Variants in UBP1 observed in about 807,000 individuals in gnomAD.
The protein encoded by UBP1 is upstream binding protein 1, also known as upstream-binding protein 1.
A neutral mutation model predicts 76.1 loss-of-function variants in UBP1; 22 were observed. That is an observed-to-expected ratio of 0.29 (90% CI 0.21 to 0.41). The LOEUF (loss-of-function observed/expected upper bound fraction) is 0.41. Among genes scored for constraint, UBP1 ranks in the 10% least tolerant of loss-of-function variants. The pLI is 1.00. For missense variants in UBP1, 436 were observed against 668.1 expected, an observed-to-expected ratio of 0.65 and a Z score of 3.83; for synonymous variants, 224 against 237.1, an observed-to-expected ratio of 0.94 and a Z score of 0.51.
At chr3:33,430,900 T>G (rs985470482) in intron 1 of UBP1, among the ~76,000 whole-genome samples, 4 of 152,122 alleles carry the variant, frequency 2.6e-5, no homozygotes, top group Non-Finnish European at 5.9e-5. Context: ...GACATCTCAC[T>G]GATTTCTATT....
Position 33,399,080 on chromosome 3 carries a change from A to T in UBP1, c.1180+1109T>A, listed in dbSNP as rs540608032. 2.0e-5 allele frequency among the ~76,000 whole-genome samples: 3 copies of T among 152,326 alleles called. No individual in the cohort carries two copies. In the South Asian group the frequency reaches 6.2e-4, roughly 32 times the overall value. On this transcript the variant is annotated intron_variant, in intron 11 of 15. Transcript: ENST00000283629. ...CAAAATCAAGCTTTTCTTCAGGCTG[A>T]GTGTGTGCACACACAAGTTCTGTCC... is the stretch of plus-strand genomic sequence containing the variant.
intron 3 of UBP1, among the ~76,000 whole-genome samples, chr3:33,413,045 A>G (rs1487151907): frequency 6.6e-6 from 1 of 152,232 alleles, no homozygotes; most frequent in Non-Finnish European, 1.5e-5. Context: ...AATTATAAAT[A>G]AAATGGTAAC....
At chr3:33,421,232 G>A (rs950013561) in intron 2 of UBP1, among the ~76,000 whole-genome samples, 1 of 149,140 alleles carries the variant, frequency 6.7e-6, no homozygotes, top group African/African-American at 2.5e-5. Context: ...TTAAAGTCAG[G>A]GACTTAACTC....
intron 1 of UBP1, among the ~76,000 whole-genome samples, chr3:33,435,193 C>T (rs1326756348): frequency 6.6e-6 from 1 of 152,028 alleles, no homozygotes; most frequent in Non-Finnish European, 1.5e-5. Context: ...TCCTGTACTG[C>T]AGCCAAGATT....
intron 1 of UBP1, among the ~76,000 whole-genome samples, chr3:33,432,838 A>T (rs767992932): frequency 6.6e-6 from 1 of 152,220 alleles, no homozygotes; most frequent in Non-Finnish European, 1.5e-5. Flanking sequence ...GTATTGCACC[A>T]AGTCTAATTT....
intron 2 of UBP1, 152 bp downstream of exon 2, chr3:33,425,438 C>T (rs986761419): frequency 1.2e-6 from 1 of 808,956 alleles, no homozygotes; most frequent in African/African-American, 1.7e-5. Context: ...CAGCTGCTCA[C>T]AGTAAAATTC....
chr3:33,427,610 T>C (rs1404442774), intron 1 of UBP1, among the ~76,000 whole-genome samples: 1 of 152,162 alleles, frequency 6.6e-6, no homozygotes, highest in East Asian at 1.9e-4. Flanking sequence ...ACAAGTGAAA[T>C]GGGACGGAAA....
intron 1 of UBP1, among the ~76,000 whole-genome samples, chr3:33,432,331 TTCTCTGTTTTG>T (rs1212750829): frequency 6.6e-6 from 1 of 152,178 alleles, no homozygotes; most frequent in Non-Finnish European, 1.5e-5. Context: ...TCTGGCTAAG[TTCTCTGTTTTG>T]GCAAAGTTTT....
At position 33,439,784 on chromosome 3, in the gene UBP1, C is replaced by T; in HGVS notation, c.65G>A (p.Ser22Asn). 4 of 1,612,836 alleles carry T rather than the reference C, an allele frequency of 2.5e-6. No homozygotes were observed. Among genetic ancestry groups the T allele is most frequent in the Non-Finnish European group, 3.4e-6 (4 of 1,179,712 alleles). Residue 22 changes from serine to asparagine, a missense_variant, in exon 1 of 16, where the codon AGC (serine) becomes AAC (asparagine). Coordinates refer to ENST00000283629, the MANE Select transcript of UBP1 (RefSeq NM_014517.5). Reference sequence around the variant, plus strand: ...CAGTTCCTGCCCGATGCCCGAGAGGCTGGCGTCGAAGTCGTGCACCAGCCC... The same window carrying T: ...CAGTTCCTGCCCGATGCCCGAGAGGTTGGCGTCGAAGTCGTGCACCAGCCC... ...ESGLVHDFDA[S>N]LSGIGQELGA...
intron 3 of UBP1, among the ~76,000 whole-genome samples, chr3:33,415,423 C>CA (rs1240948357): frequency 6.6e-6 from 1 of 151,858 alleles, no homozygotes; most frequent in Non-Finnish European, 1.5e-5. Context: ...CCGGCATACA[C>CA]AAAAAAAGCA....
At chr3:33,395,727 C>T (rs1367036430) in intron 13 of UBP1, among the ~76,000 whole-genome samples, 2 of 142,160 alleles carry the variant, frequency 1.4e-5, no homozygotes, top group African/African-American at 5.3e-5. Flanking sequence ...TAAGAGTTCT[C>T]CCCATACCTA....
chr3:33,433,352 C>T (rs1361930434), intron 1 of UBP1, among the ~76,000 whole-genome samples: 4 of 139,416 alleles, frequency 2.9e-5, no homozygotes, highest in African/African-American at 8.4e-5. Flanking sequence ...TGAGCCACCG[C>T]GCACCCAGCC....
intron 2 of UBP1, among the ~76,000 whole-genome samples, chr3:33,421,775 G>T (rs2044900772): frequency 6.6e-6 from 1 of 152,188 alleles, no homozygotes; most frequent in Admixed American, 6.5e-5. Flanking sequence ...TCGGCTGGGA[G>T]TGGTGGTTCA....
intron 1 of UBP1, among the ~76,000 whole-genome samples, chr3:33,430,958 C>G (rs1437635364): frequency 6.6e-6 from 1 of 152,078 alleles, no homozygotes; most frequent in Non-Finnish European, 1.5e-5. Context: ...CTGGAATTAT[C>G]AGATCCAAAT....
intron 1 of UBP1, among the ~76,000 whole-genome samples, chr3:33,434,099 G>T (rs945004253): frequency 1.3e-5 from 2 of 152,044 alleles, no homozygotes; most frequent in Non-Finnish European, 2.9e-5. Flanking sequence ...AAACCACCAA[G>T]TTTCAAACAG....
At chr3:33,422,576 T>A (rs1407178820) in intron 2 of UBP1, among the ~76,000 whole-genome samples, 1 of 151,798 alleles carries the variant, frequency 6.6e-6, no homozygotes, top group East Asian at 1.9e-4. Flanking sequence ...TTTTTAAAAA[T>A]TTGCCAGGCA....
At chr3:33,401,600 T>C (rs2044230814) in intron 9 of UBP1, among the ~76,000 whole-genome samples, 1 of 152,338 alleles carries the variant, frequency 6.6e-6, no homozygotes, top group South Asian at 2.1e-4. Context: ...CTTCTGGCTC[T>C]TGAGCACCGA....
intron 1 of UBP1, among the ~76,000 whole-genome samples, chr3:33,425,974 G>C (rs1263561966): frequency 2.2e-5 from 3 of 133,494 alleles, no homozygotes; most frequent in Non-Finnish European, 4.7e-5. Context: ...GGGAAGTGGG[G>C]GAGGGCGGCA....
chr3:33,402,072 T>A (rs1347167843), intron 9 of UBP1, among the ~76,000 whole-genome samples: 1 of 152,218 alleles, frequency 6.6e-6, no homozygotes, highest in East Asian at 1.9e-4. Context: ...AGAACCTTTT[T>A]CTTTGTGATC....
Sources: gnomAD v4.1 joint callset for allele counts (sites outside exome capture counted in the v4.1 genomes callset) on GRCh38, gnomAD v4.1.1 for gene constraint, MANE v1.5 for transcripts, NCBI Gene and HGNC (gene_info 2026-07-23, HGNC 2026-07-21) for gene names.